TRPM5: variants seen among roughly 807,000 people sequenced by gnomAD.
TRPM5 encodes MLSN1 and TRP-related.
A neutral mutation model predicts 124.9 loss-of-function variants in TRPM5; 121 were observed. That is an observed-to-expected ratio of 0.97 (90% CI 0.84 to 1.13). TRPM5 has a LOEUF of 1.13. Among genes scored for constraint, TRPM5 ranks in the 50% most tolerant of loss-of-function variants. The pLI, the probability that TRPM5 is intolerant of heterozygous loss-of-function variation, is 0.00. For synonymous variants in TRPM5, 781 were observed against 700.5 expected (o/e 1.11, Z -1.81); for missense variants, 1,643 against 1,589.1 (o/e 1.03, Z -0.58).
chr11:2,408,601 A>G (rs1467748911), intron 18 of TRPM5, among the ~76,000 whole-genome samples: 1 of 152,166 alleles, frequency 6.6e-6, no homozygotes, highest in Non-Finnish European at 1.5e-5. Flanking sequence ...GACACCCTGG[A>G]GGGGTGGCAG....
At chr11:2,418,584 G>T in exon 5 of TRPM5, 1 of 1,611,142 alleles carries the variant, frequency 6.2e-7, no homozygotes, top group Non-Finnish European at 8.5e-7. Context: ...TCTCGATGCT[G>T]CCAGTGCCTG....
At chr11:2,423,901 G>C (rs1845809439), upstream of TRPM5, among the ~76,000 whole-genome samples, 1 of 152,202 alleles carries the variant, frequency 6.6e-6, no homozygotes. Flanking sequence ...GCTGACCTCG[G>C]TCTGGCTTGG....
chr11:2,439,149 C>G, the TRPM5 span, among the ~76,000 whole-genome samples: 2 of 152,288 alleles, frequency 1.3e-5, no homozygotes, highest in South Asian at 4.1e-4. Context: ...AACTGGACCC[C>G]TAATTTTCAC....
intron 18 of TRPM5, among the ~76,000 whole-genome samples, chr11:2,410,063 G>C (rs76609502): frequency 6.6e-6 from 1 of 152,218 alleles, no homozygotes; most frequent in Non-Finnish European, 1.5e-5. Context: ...CCCTGCGGAC[G>C]GGCAGTGCTG....
At chr11:2,412,072 G>A in intron 16 of TRPM5, 63 bp downstream of exon 21, 1 of 1,413,470 alleles carries the variant, frequency 7.1e-7, no homozygotes, top group Non-Finnish European at 1.0e-6. Flanking sequence ...AACCTGAGTG[G>A]CTTCATCTGG....
chr11:2,435,179 G>A, the TRPM5 span, among the ~76,000 whole-genome samples: 2 of 152,166 alleles, frequency 1.3e-5, no homozygotes, highest in African/African-American at 4.8e-5. The surrounding 1 kb of genome is among the most constrained non-coding windows in gnomAD (Gnocchi z 4.1). Context: ...AAGGGGATAC[G>A]TGAGAAAGAA....
chr11:2,416,336 G>A (rs1260634721), intron 7 of TRPM5, among the ~76,000 whole-genome samples: 2 of 152,206 alleles, frequency 1.3e-5, no homozygotes, highest in Non-Finnish European at 2.9e-5. Flanking sequence ...TGGCACTGAA[G>A]GTCCAGGACA....
At chr11:2,414,007 T>TAGGCCCCCCCCCCCC in intron 12 of TRPM5, 54 bp downstream of exon 17, 1 of 1,072,596 alleles carries the variant, frequency 9.3e-7, no homozygotes, top group Non-Finnish European at 1.4e-6. Context: ...TGGGCCCAGC[T>TAGGCCCCCCCCCCCC]CGCCCGCCCA....
chr11:2,423,256 G>A (rs1438590605), upstream of TRPM5, among the ~76,000 whole-genome samples: 8 of 152,146 alleles, frequency 5.3e-5, no homozygotes, highest in Non-Finnish European at 1.0e-4. Context: ...TCCGACACTC[G>A]CTGTAGCACC....
chr11:2,407,612 A>G, intron 19 of TRPM5, 147 bp downstream of exon 24: 1 of 1,087,616 alleles, frequency 9.2e-7, no homozygotes, highest in Admixed American at 2.5e-5. Context: ...CCTGCAGTCC[A>G]GGCTATGCCA....
At chr11:2,412,053 G>A (rs1850464053) in intron 16 of TRPM5, 82 bp downstream of exon 21, 18 of 1,259,196 alleles carry the variant, frequency 1.4e-5, no homozygotes, top group Admixed American at 3.5e-5. Context: ...AAGTGCCACC[G>A]CCACACCCAA....
At chr11:2,433,226 G>A in the TRPM5 span, among the ~76,000 whole-genome samples, 1 of 152,244 alleles carries the variant, frequency 6.6e-6, no homozygotes, top group Non-Finnish European at 1.5e-5. Flanking sequence ...TAGCAATGCC[G>A]CCATGAGGCA....
Position 2,405,305 on chromosome 11 carries a change from G to A in TRPM5, c.3391+222C>T, listed in dbSNP as rs1850292831. On this transcript the variant is annotated intron_variant, in intron 23 of 23. Coordinates refer to ENST00000155858, the Ensembl canonical transcript of TRPM5. ...AGTCCAATAGGGCCCACGCCAGGCA[G>A]AGCCTCAAGAGTCTGAGTGAAGCAC... 2.6e-5 allele frequency among the ~76,000 whole-genome samples: 4 copies of A among 152,254 alleles called. No homozygotes were observed. The South Asian group carries it at 8.3e-4, about 31-fold the overall frequency.
rs2074235 is a variant in TRPM5 at position 2,418,326 on chromosome 11, C to G, written c.747G>C (p.Pro249=). The G allele has an allele frequency of 4.5e-6, 7 of 1,565,108 alleles. No individual in the cohort carries two copies. In the South Asian group the frequency reaches 7.0e-5, roughly 16 times the overall value. Residue 249 remains proline, a synonymous_variant, in exon 6 of 24, where the codon CCG becomes CCC. Coordinates refer to ENST00000155858, the Ensembl canonical transcript of TRPM5. ...CCCCCGAGCCTACCAGGATCAGCCACGGGGCAGCCTGCTCCACGGCCCTGG... is the reference window on the plus strand; with the variant it reads ...CCCCCGAGCCTACCAGGATCAGCCAGGGGGCAGCCTGCTCCACGGCCCTGG...
chr11:2,414,009 G>GACCCCCC, intron 12 of TRPM5, 52 bp downstream of exon 17: 1 of 1,023,734 alleles, frequency 9.8e-7, no homozygotes, highest in Non-Finnish European at 1.4e-6. Context: ...GGCCCAGCTC[G>GACCCCCC]CCCGCCCACC....
In TRPM5 at chr11:2,404,557, G is replaced by T. The variant is rs1850274257; in HGVS notation, c.*380C>A. ...TCTCTTGTCAGGCAACACAAGTCAG[G>T]GCAGGGGTGGGTGCAGACCCCAGAG... On this transcript the variant is annotated 3_prime_UTR_variant, in exon 24 of 24. Transcript: ENST00000155858. 9 of 204,156 alleles carry T rather than the reference G, an allele frequency of 4.4e-5. 1 individual carries two copies. The South Asian group carries it at 1.3e-3, about 29-fold the overall frequency. The allele number at this position is 204,156 out of a possible 1,614,324, so 12.6% of individuals were successfully genotyped here.
At chr11:2,413,658 G>C in intron 12 of TRPM5, 70 bp from the exon 18 acceptor site, 2 of 1,436,684 alleles carry the variant, frequency 1.4e-6, no homozygotes, top group Non-Finnish European at 1.9e-6. Flanking sequence ...CCCCAGGAAT[G>C]CCCTTCCCCC....
intron 18 of TRPM5, among the ~76,000 whole-genome samples, chr11:2,410,121 G>C (rs1473152547): frequency 6.6e-6 from 1 of 152,196 alleles, no homozygotes; most frequent in East Asian, 1.9e-4. Context: ...GGCAGGGTCT[G>C]GTTAAACTAA....
chr11:2,437,372 T>C, the TRPM5 span, among the ~76,000 whole-genome samples: 1 of 152,146 alleles, frequency 6.6e-6, no homozygotes, highest in African/African-American at 2.4e-5. The surrounding 1 kb of genome is among the most constrained non-coding windows in gnomAD (Gnocchi z 5.6). Context: ...TGGGGAGCCC[T>C]GGCTTCAGTG....
Sources: allele counts gnomAD v4.1 joint callset (sites outside exome capture counted in the v4.1 genomes callset), GRCh38; gene constraint gnomAD v4.1.1; non-coding constraint Gnocchi (gnomAD v3.1); transcripts MANE v1.5; gene names NCBI Gene and HGNC (gene_info 2026-07-23, HGNC 2026-07-21).